POU6F2: variants seen among roughly 807,000 people sequenced by gnomAD.
POU6F2 encodes the protein POU class 6 homeobox 2.
POU6F2 carries 31 observed loss-of-function variants against 71.3 expected under a neutral mutation model. The observed-to-expected ratio is 0.43, with a 90% CI of 0.33 to 0.59. The LOEUF (loss-of-function observed/expected upper bound fraction) is 0.59. POU6F2 is among the 20% of genes least tolerant of loss of function. The pLI, the probability that POU6F2 is intolerant of heterozygous loss-of-function variation, is 0.04. For synonymous variants in POU6F2, 347 were observed against 355.7 expected, an observed-to-expected ratio of 0.98 and a Z score of 0.27; for missense variants, 783 against 856.8, an observed-to-expected ratio of 0.91 and a Z score of 1.07.
At chr7:39,025,929 A>T (rs983391832) in intron 1 of POU6F2, among the ~76,000 whole-genome samples, 9 of 152,248 alleles carry the variant, frequency 5.9e-5, no homozygotes, top group Admixed American at 5.9e-4. Flanking sequence ...CCCATCAAAC[A>T]GTGGCCAAAG....
At chr7:39,208,855 A>G (rs1794077826) in intron 4 of POU6F2, among the ~76,000 whole-genome samples, 1 of 152,214 alleles carries the variant, frequency 6.6e-6, no homozygotes, top group Admixed American at 6.5e-5. Context: ...CCGAAGCAAC[A>G]AAGTGTAGGG....
intron 1 of POU6F2, among the ~76,000 whole-genome samples, chr7:38,996,035 C>CT (rs5883669): frequency 3.9e-4 from 33 of 85,350 alleles, no homozygotes; most frequent in African/African-American, 1.1e-3. Flanking sequence ...AGGGGCTTGG[C>CT]TTTTTTTTTT....
chr7:39,216,826 C>T (rs1794252520), intron 4 of POU6F2, among the ~76,000 whole-genome samples: 1 of 152,044 alleles, frequency 6.6e-6, no homozygotes, highest in South Asian at 2.1e-4. Context: ...CCCCATTAAA[C>T]AGTGTTGTTT....
chr7:39,193,900 T>C (rs568573617), intron 2 of POU6F2, among the ~76,000 whole-genome samples: 1 of 152,304 alleles, frequency 6.6e-6, no homozygotes, highest in East Asian at 1.9e-4. Flanking sequence ...TATAAATGAA[T>C]GGAATAATCA....
At chr7:39,000,503 C>A (rs751634197) in intron 1 of POU6F2, among the ~76,000 whole-genome samples, 10 of 149,614 alleles carry the variant, frequency 6.7e-5, no homozygotes, top group Non-Finnish European at 1.3e-4. Flanking sequence ...ACATCTCCAC[C>A]CTCTCCATTT....
At chr7:39,007,259 T>C (rs1789100399) in intron 1 of POU6F2, among the ~76,000 whole-genome samples, 1 of 152,240 alleles carries the variant, frequency 6.6e-6, no homozygotes, top group Admixed American at 6.5e-5. Context: ...GTGGCTTTTA[T>C]GGGAAAAGAT....
chr7:39,060,935 G>A (rs1271229669), intron 1 of POU6F2, among the ~76,000 whole-genome samples: 2 of 149,486 alleles, frequency 1.3e-5, no homozygotes, highest in African/African-American at 4.9e-5. Context: ...GGGCAAAATA[G>A]ACACCATCAC....
At position 39,185,267 on chromosome 7, in the gene POU6F2, G is replaced by A. The variant is rs191470235; in HGVS notation, c.278-18968G>A. On this transcript the variant is annotated intron_variant, in intron 2 of 9. Coordinates refer to ENST00000518318, the MANE Select transcript of POU6F2 (RefSeq NM_001370959.1). ...ACTAAGGACAAGAATGCTCAGTCCA[G>A]TGACGATATACAGCAAATACTCCTG... Among the ~76,000 whole-genome samples, 58 of 152,296 alleles carry A rather than the reference G, an allele frequency of 3.8e-4. 1 individual carries two copies. In the East Asian group the frequency reaches 7.1e-3, roughly 19 times the overall value.
At chr7:39,447,462 G>A (rs1399373289) in intron 7 of POU6F2, among the ~76,000 whole-genome samples, 1 of 152,116 alleles carries the variant, frequency 6.6e-6, no homozygotes, top group Non-Finnish European at 1.5e-5. Flanking sequence ...TACATGGATT[G>A]AAAGCTTACT....
At chr7:39,065,736 T>C (rs1365881850) in intron 1 of POU6F2, among the ~76,000 whole-genome samples, 1 of 151,520 alleles carries the variant, frequency 6.6e-6, no homozygotes, top group Non-Finnish European at 1.5e-5. Flanking sequence ...ATGATCCAAA[T>C]TGACCAATAA....
At chr7:39,266,695 C>CT (rs35508359) in intron 4 of POU6F2, among the ~76,000 whole-genome samples, 51,677 of 104,986 alleles carry the variant, frequency 0.49, 14,778 homozygotes, top group South Asian at 0.62. Context: ...CGCACCTGGC[C>CT]TTTTTTTTTT....
At chr7:39,161,520 G>T (rs1349660213) in intron 2 of POU6F2, among the ~76,000 whole-genome samples, 1 of 152,160 alleles carries the variant, frequency 6.6e-6, no homozygotes, top group Non-Finnish European at 1.5e-5. Context: ...ATCCAGGCTG[G>T]TATCTTTGTT....
chr7:39,065,067 A>G (rs1790730157), intron 1 of POU6F2, among the ~76,000 whole-genome samples: 1 of 151,826 alleles, frequency 6.6e-6, no homozygotes, highest in South Asian at 2.1e-4. Flanking sequence ...TCAGATGTTT[A>G]ATTTATATAT....
intron 4 of POU6F2, among the ~76,000 whole-genome samples, chr7:39,333,676 T>G (rs1006483405): frequency 2.6e-5 from 4 of 152,206 alleles, no homozygotes; most frequent in Non-Finnish European, 5.9e-5. Flanking sequence ...AGGCAGAGGT[T>G]GCAGTGAGCC....
intron 1 of POU6F2, among the ~76,000 whole-genome samples, chr7:39,075,721 A>T (rs527262919): frequency 6.6e-6 from 1 of 152,208 alleles, no homozygotes; most frequent in Admixed American, 6.5e-5. Context: ...CCTCAGTGAC[A>T]TGAAGATGCT....
intron 2 of POU6F2, among the ~76,000 whole-genome samples, chr7:39,126,693 T>G (rs759939036): frequency 4.6e-5 from 7 of 152,216 alleles, no homozygotes; most frequent in Non-Finnish European, 8.8e-5. Flanking sequence ...ATCTATCTCC[T>G]GAAAGCTAAC....
At chr7:39,221,190 A>G (rs1366601428) in intron 4 of POU6F2, among the ~76,000 whole-genome samples, 1 of 152,142 alleles carries the variant, frequency 6.6e-6, no homozygotes, top group Admixed American at 6.5e-5. Context: ...GTTAAAAGCT[A>G]TGTTCATTAA....
chr7:39,286,752 C>G (rs1309119728), intron 4 of POU6F2, among the ~76,000 whole-genome samples: 1 of 152,054 alleles, frequency 6.6e-6, no homozygotes, highest in Non-Finnish European at 1.5e-5. Flanking sequence ...AAGGTATCAT[C>G]ATCATTGTCA....
chr7:39,454,691 T>G (rs1234741741), intron 8 of POU6F2, among the ~76,000 whole-genome samples: 7,054 of 42,156 alleles, frequency 0.17, 1,321 homozygotes, highest in East Asian at 0.3. Flanking sequence ...TATATATATA[T>G]ATATATATAT....
Sources: allele counts gnomAD v4.1 joint callset (sites outside exome capture counted in the v4.1 genomes callset), GRCh38; gene constraint gnomAD v4.1.1; transcripts MANE v1.5; gene names NCBI Gene and HGNC (gene_info 2026-07-23, HGNC 2026-07-21).